Variants in TMEM135 observed in about 807,000 individuals in gnomAD.
The protein encoded by TMEM135 is transmembrane protein 135.
In TMEM135, 30 loss-of-function variants were observed where a neutral mutation model predicts 60.3. The observed-to-expected ratio is 0.50, with a 90% CI of 0.37 to 0.68. The LOEUF (loss-of-function observed/expected upper bound fraction) is 0.68, where lower values mean the gene tolerates loss of function less well. TMEM135 is among the 30% of genes least tolerant of loss of function. TMEM135 has a pLI of 0.00. For synonymous variants in TMEM135, 190 were observed against 186.7 expected, an observed-to-expected ratio of 1.02 and a Z score of -0.14; for missense variants, 468 against 548.8, an observed-to-expected ratio of 0.85 and a Z score of 1.47.
intron 6 of TMEM135, chr11:87,258,974 C>G (rs1941587916): frequency 2.0e-6 from 3 of 1,528,496 alleles, no homozygotes; most frequent in East Asian, 4.5e-5. Context: ...TTCTCAGTCT[C>G]AAAGACAACG....
intron 6 of TMEM135, among the ~76,000 whole-genome samples, chr11:87,292,016 C>G (rs946288491): frequency 6.6e-6 from 1 of 152,166 alleles, no homozygotes; most frequent in Non-Finnish European, 1.5e-5. Context: ...TTTGCTCCAG[C>G]TACAGTAATC....
chr11:87,178,864 A>G (rs994994694), intron 5 of TMEM135, among the ~76,000 whole-genome samples: 10 of 151,768 alleles, frequency 6.6e-5, no homozygotes. Flanking sequence ...GTTTTCAGTT[A>G]TGAAAATTGG....
At chr11:87,089,902 A>C (rs1435495556) in intron 3 of TMEM135, among the ~76,000 whole-genome samples, 1 of 152,172 alleles carries the variant, frequency 6.6e-6, no homozygotes, top group African/African-American at 2.4e-5. Context: ...TAATCTTACA[A>C]GTGATTTTAT....
At chr11:87,075,299 T>C (rs2135146913) in intron 3 of TMEM135, among the ~76,000 whole-genome samples, 1 of 151,600 alleles carries the variant, frequency 6.6e-6, no homozygotes, top group African/African-American at 2.4e-5. Context: ...GCTGGGACTA[T>C]AGGTGCCCGC....
chr11:87,156,954 G>A (rs1166336129), intron 4 of TMEM135, among the ~76,000 whole-genome samples: 1 of 152,058 alleles, frequency 6.6e-6, no homozygotes, highest in Non-Finnish European at 1.5e-5. Flanking sequence ...TTAAGTTTGA[G>A]CTCTTAAAAG....
chr11:87,253,068 G>A (rs766333773), intron 6 of TMEM135, among the ~76,000 whole-genome samples: 49 of 151,852 alleles, frequency 3.2e-4, no homozygotes, highest in Non-Finnish European at 5.3e-4. Flanking sequence ...AGAATACAAA[G>A]CTTATTACAC....
At chr11:87,223,557 A>G (rs979802624) in intron 5 of TMEM135, among the ~76,000 whole-genome samples, 3 of 152,074 alleles carry the variant, frequency 2.0e-5, no homozygotes, top group African/African-American at 7.2e-5. Flanking sequence ...TGCATTAGAA[A>G]AAAAACCCCA....
chr11:87,234,761 C>G (rs911124024), intron 5 of TMEM135, among the ~76,000 whole-genome samples: 1 of 152,154 alleles, frequency 6.6e-6, no homozygotes, highest in Non-Finnish European at 1.5e-5. Flanking sequence ...CTATCTTACT[C>G]TAAAGCTTGA....
chr11:87,068,481 A>G (rs1856709003), intron 2 of TMEM135, among the ~76,000 whole-genome samples: 1 of 152,148 alleles, frequency 6.6e-6, no homozygotes. Flanking sequence ...GTGTTGAACA[A>G]AGTAGTTGTG....
chr11:87,263,114 T>A (rs1941683644), intron 6 of TMEM135, among the ~76,000 whole-genome samples: 1 of 152,114 alleles, frequency 6.6e-6, no homozygotes, highest in South Asian at 2.1e-4. Flanking sequence ...TACAGCTGAG[T>A]CTTGACAAGC....
chr11:87,187,670 G>A (rs530191911), intron 5 of TMEM135, among the ~76,000 whole-genome samples: 10 of 152,264 alleles, frequency 6.6e-5, no homozygotes, highest in East Asian at 5.8e-4. Flanking sequence ...TACTTAATGC[G>A]TATAGTACTT....
At chr11:87,090,241 G>T (rs942844825) in intron 3 of TMEM135, among the ~76,000 whole-genome samples, 1 of 152,024 alleles carries the variant, frequency 6.6e-6, no homozygotes, top group African/African-American at 2.4e-5. Flanking sequence ...GTTAAAAAAA[G>T]TAGATTTAAT....
intron 7 of TMEM135, 60 bp downstream of exon 7, chr11:87,295,883 C>T: frequency 7.4e-7 from 1 of 1,356,794 alleles, no homozygotes; most frequent in South Asian, 1.2e-5. Context: ...AAAAATTATA[C>T]ATAATTACAA....
intron 4 of TMEM135, among the ~76,000 whole-genome samples, chr11:87,140,551 G>A (rs76417040): frequency 0.1 from 15,605 of 152,176 alleles, 829 homozygotes; most frequent in African/African-American, 0.12. Flanking sequence ...GAGGGAATAT[G>A]TATGGGGGAC....
intron 6 of TMEM135, among the ~76,000 whole-genome samples, chr11:87,272,454 A>ATTTT (rs1941887547): frequency 6.6e-6 from 1 of 150,548 alleles, no homozygotes; most frequent in Non-Finnish European, 1.5e-5. Context: ...TTCTTAAAAA[A>ATTTT]GTTTTTTTTT....
At position 87,064,581 on chromosome 11, in the gene TMEM135, C is replaced by T. The variant is rs138603950; in HGVS notation, c.142-3113C>T. ...AAGTTATTCATTTCTATAATTTTGT[C>T]ATTTTAAGAATGTTATAGAGGCCAG... On this transcript the variant is annotated intron_variant, in intron 1 of 14. Transcript: ENST00000305494. Among the ~76,000 whole-genome samples the T allele has an allele frequency of 8.4e-3, 1,285 of 152,152 alleles. 13 individuals carry two copies. The highest frequency in any genetic ancestry group is 0.026 in the African/African-American group (1,070 of 41,530).
At chr11:87,132,609 A>G (rs1206709077) in intron 4 of TMEM135, among the ~76,000 whole-genome samples, 1 of 152,088 alleles carries the variant, frequency 6.6e-6, no homozygotes, top group East Asian at 1.9e-4. Flanking sequence ...TCAGAGATAA[A>G]CCTCTCAATA....
At chr11:87,238,976 A>G (rs1420417269) in intron 6 of TMEM135, among the ~76,000 whole-genome samples, 3 of 152,034 alleles carry the variant, frequency 2.0e-5, no homozygotes, top group African/African-American at 7.2e-5. Context: ...GAAGTTTTTG[A>G]GGTTTAAAAA....
chr11:87,204,282 A>G (rs1057282612), intron 5 of TMEM135, among the ~76,000 whole-genome samples: 3 of 152,000 alleles, frequency 2.0e-5, no homozygotes, highest in Admixed American at 6.6e-5. Context: ...TTTTTTTACC[A>G]AACTCAAGCT....
Sources: allele counts gnomAD v4.1 joint callset (sites outside exome capture counted in the v4.1 genomes callset), GRCh38; gene constraint gnomAD v4.1.1; transcripts MANE v1.5; gene names NCBI Gene and HGNC (gene_info 2026-07-23, HGNC 2026-07-21).